PRXL2C: variants seen among roughly 807,000 people sequenced by gnomAD.
PRXL2C encodes the protein peroxiredoxin-like 2C.
Under a neutral mutation model 24.9 loss-of-function variants are expected in PRXL2C, and 38 were observed. The ratio of observed to expected loss-of-function variants is 1.53; its 90% CI spans 1.18 to 2.00. The LOEUF is 2.00. Ranked by LOEUF, PRXL2C falls within the 30% of genes most tolerant of loss-of-function variation. The pLI, the probability that PRXL2C is intolerant of heterozygous loss-of-function variation, is 0.00. For missense variants in PRXL2C, 294 were observed against 290.9 expected, an observed-to-expected ratio of 1.01 and a Z score of -0.08; for synonymous variants, 98 against 117.2, an observed-to-expected ratio of 0.84 and a Z score of 1.06.
Position 96,641,728 on chromosome 9 carries a change from TC to T in PRXL2C, c.*30del. The T allele has an allele frequency of 6.5e-7, 1 of 1,536,174 alleles. No homozygotes were observed. Among genetic ancestry groups the T allele is most frequent in the Non-Finnish European group, 8.9e-7 (1 of 1,126,740 alleles). ...GCATTGAAGGTCACATTCCAGAAGGTCCAGTTGAAAGTGACTGAGTGCATTT... is the reference window on the plus strand; with the variant it reads ...GCATTGAAGGTCACATTCCAGAAGGTCAGTTGAAAGTGACTGAGTGCATTT... On this transcript the variant is annotated 3_prime_UTR_variant, in exon 6 of 6. Coordinates refer to ENST00000375234, the MANE Select transcript of PRXL2C (RefSeq NM_153698.2).
rs1223761485 is a variant in PRXL2C, at chr9:96,639,602, T to C, written c.*2157A>G. ...TTTAAATGAGAAATTTCATTTTTATTGAATAAAAACATTATACAAACATGA... is the reference window on the plus strand; with the variant it reads ...TTTAAATGAGAAATTTCATTTTTATCGAATAAAAACATTATACAAACATGA... On this transcript the variant is annotated 3_prime_UTR_variant, in exon 6 of 6. Coordinates refer to ENST00000375234, the MANE Select transcript of PRXL2C (RefSeq NM_153698.2). 6.6e-6 allele frequency: 1 copy of C among 152,218 alleles called. No homozygotes were observed. The highest frequency in any genetic ancestry group is 1.5e-5 in the Non-Finnish European group (1 of 68,042). The allele number at this position is 152,218 out of a possible 1,614,324, so 9.4% of individuals were successfully genotyped here. A position where few individuals can be genotyped will look rare whatever the true frequency, so the allele number is the denominator to read the frequency against.
intron 5 of PRXL2C, 64 bp downstream of exon 5, chr9:96,645,829 G>T: frequency 2.8e-6 from 4 of 1,431,790 alleles, no homozygotes; most frequent in Non-Finnish European, 3.7e-6. Context: ...AAAAGAAAAT[G>T]GCGGCCTCTG....
chr9:96,646,020 C>T lies in PRXL2C; in HGVS notation c.426G>A (p.Gln142=). ...GTAGATTTGATTTTATGTGGGGGCT[C>T]TGTCCTGAAATGTCGAAAATTGTCT... ...KRGEEIASSG[Q]SPHIKSNLLS... is the part of the protein sequence containing the mutation. Residue 142 remains glutamine, a synonymous_variant, in exon 5 of 6, where the codon CAG becomes CAA. Transcript: ENST00000375234. The T allele has an allele frequency of 6.2e-7, 1 of 1,609,226 alleles. No individual in the cohort carries two copies. The highest frequency in any genetic ancestry group is 8.5e-7 in the Non-Finnish European group (1 of 1,178,404).
chr9:96,654,647 GC>G (rs1848323247), intron 2 of PRXL2C, 57 bp downstream of exon 2: 1 of 1,501,178 alleles, frequency 6.7e-7, no homozygotes, highest in Admixed American at 2.0e-5. Context: ...GTCCTCCCCC[GC>G]CCCGCTCGCA....
rs1376293926 is a variant in PRXL2C at position 96,654,712 on chromosome 9, A to T, written c.254T>A (p.Phe85Tyr). Residue 85 changes from phenylalanine (F) to tyrosine (Y), a missense_variant, in exon 2 of 6, where the codon TTC (phenylalanine) becomes TAC (tyrosine). By Grantham distance (22) the Phe-to-Tyr change is conservative. Transcript: ENST00000375234. Reference protein sequence around the residue: ...VEDLAKIPRSFLQEANVTLIV... With the variant: ...VEDLAKIPRSYLQEANVTLIV... ...CCACGCTGGGAAACTCACTTGTAAG[A>T]AACTCCTGGGGATTTTGGCCAGATC... The T allele has an allele frequency of 1.3e-6, 2 of 1,563,546 alleles. No homozygotes were observed. The highest frequency in any genetic ancestry group is 2.7e-5 in the African/African-American group (2 of 73,978).
rs187234654 is a variant in PRXL2C, at chr9:96,647,245, A to G, written c.422-1221T>C. 2.6e-3 allele frequency among the ~76,000 whole-genome samples: 400 copies of G among 152,310 alleles called. 4 individuals carry two copies. The highest frequency in any genetic ancestry group is 8.5e-3 in the African/African-American group (353 of 41,574). ...TCTGTTATCACAGTGGCTAATACTT[A>G]ATTTCCACTTCATTGGAGCAAAGAG... is the stretch of plus-strand genomic sequence containing the variant. On this transcript the variant is annotated intron_variant, in intron 4 of 5. Coordinates refer to ENST00000375234, the MANE Select transcript of PRXL2C (RefSeq NM_153698.2).
At position 96,645,978 on chromosome 9, in the gene PRXL2C, CT is replaced by C. The variant is rs1210169627; in HGVS notation, c.467del (p.Gln156ArgfsTer7). ...GGCCAGTCACTGCCCGCCACAGGCT[CT>C]GAAGGCTTCCTGAGAGTAGATTTGA... ...IKSNLLSGSLQSLWRAVTGPL... is the reference protein window; with the variant it reads ...IKSNLLSGSLXSLWRAVTGPL... On this transcript the variant is annotated frameshift_variant, in exon 5 of 6. Transcript: ENST00000375234. LOFTEE classifies it high-confidence loss of function. The C allele has an allele frequency of 1.9e-6, 3 of 1,613,792 alleles. No homozygotes were observed. The highest frequency in any genetic ancestry group is 2.7e-5 in the African/African-American group (2 of 75,002).
intron 2 of PRXL2C, among the ~76,000 whole-genome samples, chr9:96,653,099 G>A (rs887563889): frequency 1.3e-5 from 2 of 151,972 alleles, no homozygotes; most frequent in Admixed American, 6.6e-5. Context: ...GGTGGCGGGC[G>A]CCTGTTAGTC....
intron 4 of PRXL2C, among the ~76,000 whole-genome samples, chr9:96,649,728 G>C (rs1336921316): frequency 6.6e-6 from 1 of 151,804 alleles, no homozygotes; most frequent in Non-Finnish European, 1.5e-5. Flanking sequence ...AAATATCACT[G>C]GCTCTGGTTT....
intron 5 of PRXL2C, among the ~76,000 whole-genome samples, chr9:96,645,110 C>T (rs913421547): frequency 6.6e-5 from 10 of 151,214 alleles, no homozygotes; most frequent in African/African-American, 1.2e-4. Context: ...GGGGTTTCAC[C>T]GTGTTAGCCA....
chr9:96,651,080 C>T (rs1848258635), intron 4 of PRXL2C, among the ~76,000 whole-genome samples: 1 of 152,064 alleles, frequency 6.6e-6, no homozygotes, highest in African/African-American at 2.4e-5. Context: ...AGTTCGAGAC[C>T]ACCCTGGCAA....
chr9:96,647,119 T>C (rs1248250450), intron 4 of PRXL2C, among the ~76,000 whole-genome samples: 1 of 152,092 alleles, frequency 6.6e-6, no homozygotes, highest in Non-Finnish European at 1.5e-5. Context: ...TAAAAAGAAA[T>C]AACCTCCTAC....
At chr9:96,653,731 A>G (rs187970303) in intron 2 of PRXL2C, among the ~76,000 whole-genome samples, 68 of 152,358 alleles carry the variant, frequency 4.5e-4, no homozygotes, top group African/African-American at 1.6e-3. Context: ...TAAAAAGAGA[A>G]TAAAAGGATA....
At chr9:96,642,628 C>A (rs1282887571) in intron 5 of PRXL2C, among the ~76,000 whole-genome samples, 1 of 151,654 alleles carries the variant, frequency 6.6e-6, no homozygotes, top group African/African-American at 2.4e-5. Flanking sequence ...TCACTGCAAC[C>A]TCCGCCTTCT....
Position 96,655,254 on chromosome 9 carries a change from G to A in PRXL2C, c.28C>T (p.Gln10Ter), listed in dbSNP as rs1300297511. The change falls in exon 1 of 6, where the codon CAG (glutamine) becomes TAG (stop). Residue 10 changes from glutamine to a stop codon, truncating the protein, a stop_gained. Transcript: ENST00000375234. LOFTEE classifies it high-confidence loss of function. ...ACCAGGGCGGCGGCGCCGCTAACCTGCCGCGTGACCGGGGCCGGCGCGGCC... is the reference window on the plus strand; with the variant it reads ...ACCAGGGCGGCGGCGCCGCTAACCTACCGCGTGACCGGGGCCGGCGCGGCC... MAAPAPVTR[Q>*]VSGAAALVPA... 1.8e-6 allele frequency: 2 copies of A among 1,109,652 alleles called. No homozygotes were observed. The highest frequency in any genetic ancestry group is 2.2e-6 in the Non-Finnish European group (2 of 911,166). The allele number at this position is 1,109,652 out of a possible 1,614,324, so 68.7% of individuals were successfully genotyped here. A position where few individuals can be genotyped will look rare whatever the true frequency, so the allele number is the denominator to read the frequency against.
At chr9:96,651,138 C>T (rs536281095) in intron 4 of PRXL2C, among the ~76,000 whole-genome samples, 28 of 152,120 alleles carry the variant, frequency 1.8e-4, no homozygotes, top group African/African-American at 5.5e-4. Context: ...ATTAGCTGGG[C>T]GTAGTGGCAA....
In PRXL2C at chr9:96,640,688, C is replaced by G. The variant is rs909843049; in HGVS notation, c.*1071G>C. 2 of 150,784 alleles carry G rather than the reference C, an allele frequency of 1.3e-5. No individual in the cohort carries two copies. Among genetic ancestry groups the G allele is most frequent in the African/African-American group, 2.4e-5 (1 of 40,932 alleles). 9.3% of individuals were successfully genotyped at this position (150,784 alleles called of 1,614,324 possible). A position where few individuals can be genotyped will look rare whatever the true frequency, so the allele number is the denominator to read the frequency against. ...TCTAATAAAAATACAAAAAATTAGC[C>G]GGGCGTGGTGGTGGGTGCCTGTAGT... On this transcript the variant is annotated 3_prime_UTR_variant, in exon 6 of 6. Transcript: ENST00000375234.
chr9:96,654,952 C>T (rs1451227277), intron 1 of PRXL2C, 138 bp downstream of exon 1: 92 of 1,225,538 alleles, frequency 7.5e-5, no homozygotes, highest in Non-Finnish European at 9.6e-5. Context: ...CCCTGCCCCG[C>T]CCTAGTTGGG....
At chr9:96,651,552 T>C (rs1431702651) in intron 3 of PRXL2C, 57 bp from the exon 4 acceptor site, 1 of 1,558,498 alleles carries the variant, frequency 6.4e-7, no homozygotes, top group East Asian at 2.2e-5. Context: ...AAAGTAATGA[T>C]ACTCTAACTT....
Sources: gnomAD v4.1 joint callset for allele counts (sites outside exome capture counted in the v4.1 genomes callset) on GRCh38, gnomAD v4.1.1 for gene constraint, MANE v1.5 for transcripts, NCBI Gene and HGNC (gene_info 2026-07-23, HGNC 2026-07-21) for gene names.